NRG4: variants seen among roughly 807,000 people sequenced by gnomAD.
NRG4 encodes the protein neuregulin 4, also known as pro-neuregulin-4, membrane-bound isoform.
Under a neutral mutation model 15.0 loss-of-function variants are expected in NRG4, and 10 were observed. That is an observed-to-expected ratio of 0.67 (90% CI 0.41 to 1.13). The LOEUF (loss-of-function observed/expected upper bound fraction) is 1.13, where lower values mean the gene tolerates loss of function less well. NRG4 is among the 50% of genes most tolerant of loss of function. NRG4 has a pLI of 0.00. For synonymous variants in NRG4, 41 were observed against 50.1 expected (o/e 0.82, Z 0.77); for missense variants, 139 against 140.2 (o/e 0.99, Z 0.04).
chr15:76,045,197 A>G (rs957472503), intron 4 of NRG4, among the ~76,000 whole-genome samples: 1 of 151,126 alleles, frequency 6.6e-6, no homozygotes, highest in Non-Finnish European at 1.5e-5. Context: ...GGTGCTCAAC[A>G]TAATTGACCA....
intron 4 of NRG4, among the ~76,000 whole-genome samples, chr15:75,959,720 C>T (rs1299123533): frequency 6.6e-6 from 1 of 151,990 alleles, no homozygotes; most frequent in African/African-American, 2.4e-5. Flanking sequence ...AGGCTGGTCT[C>T]AAACTCCTGG....
At chr15:76,011,488 A>T (rs1369355284) in intron 1 of NRG4, among the ~76,000 whole-genome samples, 2 of 152,216 alleles carry the variant, frequency 1.3e-5, no homozygotes, top group African/African-American at 4.8e-5. Context: ...AAACTAAAAG[A>T]TCAATAACGT....
chr15:75,937,482 C>T (rs1345865961), downstream of NRG4: 1 of 125,360 alleles, frequency 8.0e-6, no homozygotes, highest in Non-Finnish European at 1.6e-5. Context: ...GCACTCCAGC[C>T]TGGGCAATGG....
At chr15:75,992,174 G>A (rs1310449995) in intron 3 of NRG4, among the ~76,000 whole-genome samples, 1 of 152,082 alleles carries the variant, frequency 6.6e-6, no homozygotes, top group East Asian at 1.9e-4. Flanking sequence ...CAGTTGTCAT[G>A]TGTATTGCAT....
At chr15:76,024,982 C>A (rs2035267473) in intron 5 of NRG4, among the ~76,000 whole-genome samples, 1 of 151,954 alleles carries the variant, frequency 6.6e-6, no homozygotes, top group South Asian at 2.1e-4. Flanking sequence ...AAACAACAAA[C>A]AACAACAACA....
intron 2 of NRG4, among the ~76,000 whole-genome samples, chr15:76,009,653 C>T (rs334950): frequency 0.014 from 2,089 of 152,180 alleles, 47 homozygotes; most frequent in African/African-American, 0.047. Context: ...CTAGCATTTC[C>T]CTGTCCCAAG....
chr15:76,023,130 C>A (rs1031123205), intron 5 of NRG4, among the ~76,000 whole-genome samples: 2 of 120,184 alleles, frequency 1.7e-5, no homozygotes, highest in East Asian at 2.6e-4. Context: ...CACCCATACT[C>A]CACACACACA....
At chr15:76,000,186 A>G (rs1596007294) in intron 3 of NRG4, among the ~76,000 whole-genome samples, 1 of 152,166 alleles carries the variant, frequency 6.6e-6, no homozygotes, top group East Asian at 1.9e-4. Flanking sequence ...ACCTGGCTGG[A>G]AAGTCTTTTT....
In NRG4 at chr15:75,941,559, T is replaced by C. The variant is rs967986852; in HGVS notation, c.*2079A>G. 1 of 152,198 alleles carries C rather than the reference T, an allele frequency of 6.6e-6. No individual in the cohort carries two copies. The highest frequency in any genetic ancestry group is 2.4e-5 in the African/African-American group (1 of 41,450). 9.4% of individuals were successfully genotyped at this position (152,198 alleles called of 1,614,324 possible). On this transcript the variant is annotated 3_prime_UTR_variant, in exon 6 of 6. Transcript: ENST00000394907. ...CAGATGAATGGATAGACAAAATGTG[T>C]TATATCCATACAATGGAATATTATT...
At chr15:75,973,557 T>C (rs545768486) in intron 3 of NRG4, among the ~76,000 whole-genome samples, 2 of 152,200 alleles carry the variant, frequency 1.3e-5, no homozygotes, top group Non-Finnish European at 2.9e-5. Context: ...ACCTAGCTCA[T>C]TGAGAGTTTT....
intron 3 of NRG4, among the ~76,000 whole-genome samples, chr15:75,999,752 G>A (rs1001515937): frequency 6.6e-6 from 1 of 152,166 alleles, no homozygotes; most frequent in Non-Finnish European, 1.5e-5. Flanking sequence ...AATCCAAATA[G>A]AGACTTGGCA....
At chr15:75,975,336 T>C (rs1261786706) in intron 3 of NRG4, among the ~76,000 whole-genome samples, 1 of 152,240 alleles carries the variant, frequency 6.6e-6, no homozygotes, top group East Asian at 1.9e-4. Flanking sequence ...TTGGGGCATT[T>C]AGCCCATTTA....
intron 4 of NRG4, among the ~76,000 whole-genome samples, chr15:76,051,288 A>G (rs908975112): frequency 8.0e-5 from 12 of 149,880 alleles, no homozygotes; most frequent in Non-Finnish European, 1.5e-5. Flanking sequence ...TACAGGCGTG[A>G]GCCACCGCGC....
intron 5 of NRG4, among the ~76,000 whole-genome samples, chr15:75,947,018 G>A (rs912102564): frequency 9.9e-5 from 15 of 152,172 alleles, no homozygotes; most frequent in African/African-American, 3.6e-4. Context: ...AGGCAGGAGA[G>A]GTAGTCAAGG....
chr15:75,967,988 ACTAG>A (rs2032899591), intron 3 of NRG4, among the ~76,000 whole-genome samples: 1 of 152,204 alleles, frequency 6.6e-6, no homozygotes, highest in Non-Finnish European at 1.5e-5. Flanking sequence ...ATTTACTAAA[ACTAG>A]CTAAGGCACA....
chr15:76,009,403 A>AT, intron 2 of NRG4, 110 bp from the exon 3 acceptor site: 1 of 546,482 alleles, frequency 1.8e-6, no homozygotes, highest in Non-Finnish European at 3.2e-6. Flanking sequence ...GAAAATCAGA[A>AT]TGAAGAATTT....
rs2034831502 is a variant in NRG4, at chr15:76,012,120, C to G, written c.-57+199G>C. ...CAATCTACTAACACAGTTGTAATAC[C>G]AAGGTCTTCTCTCAAAGCCAACAGC... On this transcript the variant is annotated intron_variant, in intron 1 of 5. Coordinates refer to ENST00000394907, the MANE Select transcript of NRG4 (RefSeq NM_138573.4). The G allele has an allele frequency of 2.0e-5, 3 of 151,914 alleles. No homozygotes were observed. In the South Asian group the frequency reaches 6.2e-4, roughly 32 times the overall value. 9.4% of individuals were successfully genotyped at this position (151,914 alleles called of 1,614,324 possible). A position where few individuals can be genotyped will look rare whatever the true frequency, so the allele number is the denominator to read the frequency against.
intron 4 of NRG4, among the ~76,000 whole-genome samples, chr15:76,047,652 A>G (rs931305843): frequency 6.6e-6 from 1 of 150,886 alleles, no homozygotes; most frequent in Admixed American, 6.6e-5. Flanking sequence ...GGGTGAAAAA[A>G]GGAATATAAA....
chr15:75,943,585 A>G lies in NRG4; in HGVS notation c.*53T>C, dbSNP rs2031213409. ...TAATTCTTTTACCTAGTGGTGTTTC[A>G]TTTTCTGCCTTTGTAAAATAAAAAC... On this transcript the variant is annotated 3_prime_UTR_variant, in exon 6 of 6. Transcript: ENST00000394907. 1.3e-5 allele frequency: 16 copies of G among 1,220,808 alleles called. No individual in the cohort carries two copies. Among genetic ancestry groups the G allele is most frequent in the Middle Eastern group, 2.0e-4 (1 of 5,094 alleles). The allele number at this position is 1,220,808 out of a possible 1,614,324, so 75.6% of individuals were successfully genotyped here. A position where few individuals can be genotyped will look rare whatever the true frequency, so the allele number is the denominator to read the frequency against.
Sources: allele counts gnomAD v4.1 joint callset (sites outside exome capture counted in the v4.1 genomes callset), GRCh38; gene constraint gnomAD v4.1.1; transcripts MANE v1.5; gene names NCBI Gene and HGNC (gene_info 2026-07-23, HGNC 2026-07-21).